Variants in EEA1 observed in about 807,000 individuals in gnomAD.
EEA1 encodes the protein early endosome antigen 1.
EEA1 carries 111 observed loss-of-function variants against 209.2 expected under a neutral mutation model. The observed-to-expected ratio is 0.53, with a 90% confidence interval of 0.45 to 0.62. The LOEUF is 0.62. EEA1 is among the 20% of genes least tolerant of loss of function. EEA1 has a pLI of 0.00. For missense variants in EEA1, 1,343 were observed against 1,530.8 expected (o/e 0.88, Z 2.05); for synonymous variants, 536 against 540.6 (o/e 0.99, Z 0.12).
chr12:92,810,861 A>G (rs535141107), intron 17 of EEA1, among the ~76,000 whole-genome samples: 4 of 152,206 alleles, frequency 2.6e-5, no homozygotes, highest in African/African-American at 9.6e-5. Context: ...CAAAATCCAA[A>G]GGGTATAAAG....
At chr12:92,803,098 A>G (rs566079919) in intron 18 of EEA1, among the ~76,000 whole-genome samples, 1 of 152,212 alleles carries the variant, frequency 6.6e-6, no homozygotes, top group South Asian at 2.1e-4. Flanking sequence ...GAATCTATTC[A>G]TTATGTTAGT....
chr12:92,814,847 T>C (rs1284018876), intron 15 of EEA1, among the ~76,000 whole-genome samples: 2 of 152,202 alleles, frequency 1.3e-5, no homozygotes, highest in East Asian at 1.9e-4. Flanking sequence ...ATTATGGAAC[T>C]TTAAACTGAG....
chr12:92,892,322 G>A lies in EEA1; in HGVS notation c.25-601C>T, dbSNP rs191952453. On this transcript the variant is annotated intron_variant, in intron 1 of 28. Transcript: ENST00000322349. The stretch of plus-strand genomic sequence containing the variant: ...GCCCAAGATGGTCTCAAACTCCTGA[G>A]CTCAAACGATCTGCCCACCTCCGCC... Among the ~76,000 whole-genome samples, 77 of 152,166 alleles carry A rather than the reference G, an allele frequency of 5.1e-4. 1 individual carries two copies. The Middle Eastern group carries it at 0.017, about 34-fold the overall frequency.
intron 1 of EEA1, among the ~76,000 whole-genome samples, chr12:92,898,213 A>C (rs991203082): frequency 6.6e-6 from 1 of 152,212 alleles, no homozygotes; most frequent in African/African-American, 2.4e-5. Context: ...ATAAGATTAA[A>C]CTTTTATTTT....
intron 1 of EEA1, among the ~76,000 whole-genome samples, chr12:92,912,955 T>TA (rs1215189661): frequency 6.6e-6 from 1 of 152,212 alleles, no homozygotes; most frequent in Non-Finnish European, 1.5e-5. Flanking sequence ...GATGGACACT[T>TA]AGGTTGATTC....
Position 92,779,303 on chromosome 12 carries a change from G to A in EEA1, c.3469-3C>T. On this transcript the variant is annotated splice_region_variant and splice_polypyrimidine_tract_variant and intron_variant, in intron 24 of 28. Coordinates refer to ENST00000322349, the MANE Select transcript of EEA1 (RefSeq NM_003566.4). ...GCATCTTTAAGATTTGTTATCTCCT[G>A]TTGAAAAAGTAGGGCCAAAAATAAA... is the stretch of plus-strand genomic sequence containing the variant. 6.4e-7 allele frequency: 1 copy of A among 1,572,766 alleles called. No individual in the cohort carries two copies. Among genetic ancestry groups the A allele is most frequent in the Admixed American group, 2.1e-5 (1 of 47,008 alleles).
At chr12:92,834,829 T>C (rs985712007) in intron 10 of EEA1, among the ~76,000 whole-genome samples, 17 of 152,154 alleles carry the variant, frequency 1.1e-4, no homozygotes, top group African/African-American at 3.9e-4. Flanking sequence ...TAGGAAAACA[T>C]TTGTTTTAGA....
At chr12:92,927,749 TAAGG>T (rs1881263054) in intron 1 of EEA1, among the ~76,000 whole-genome samples, 1 of 152,236 alleles carries the variant, frequency 6.6e-6, no homozygotes, top group Non-Finnish European at 1.5e-5. Flanking sequence ...ACTGCTGAAC[TAAGG>T]AAGTGATGGG....
chr12:92,779,455 AG>A (rs1161915187), intron 24 of EEA1, among the ~76,000 whole-genome samples, 155 bp from the exon 25 acceptor site: 2 of 152,174 alleles, frequency 1.3e-5, no homozygotes, highest in Non-Finnish European at 2.9e-5. Flanking sequence ...TTGGTTAAAA[AG>A]ATACAAGATT....
intron 1 of EEA1, among the ~76,000 whole-genome samples, chr12:92,926,451 T>C (rs1342799146): frequency 6.6e-6 from 1 of 152,214 alleles, no homozygotes. Context: ...AGATTCAAGT[T>C]ATACTTGTTG....
At chr12:92,793,169 A>G (rs1874491129) in intron 21 of EEA1, among the ~76,000 whole-genome samples, 1 of 152,200 alleles carries the variant, frequency 6.6e-6, no homozygotes, top group Non-Finnish European at 1.5e-5. Flanking sequence ...CCCACAGCCA[A>G]TATCATACTG....
In EEA1 at chr12:92,857,021, C is replaced by T. The variant is rs369404663; in HGVS notation, c.366+254G>A. On this transcript the variant is annotated intron_variant, in intron 5 of 28. Transcript: ENST00000322349. ...CTCCTGGCTCAAGCAACTCTCTCGC[C>T]TCAGCCTCCCAAAGTGCTGGGATTA... 3.7e-4 allele frequency among the ~76,000 whole-genome samples: 56 copies of T among 152,178 alleles called. 1 individual carries two copies. In the East Asian group the frequency reaches 9.5e-3, roughly 26 times the overall value.
At chr12:92,888,385 C>A (rs1163078802) in intron 2 of EEA1, among the ~76,000 whole-genome samples, 3 of 152,026 alleles carry the variant, frequency 2.0e-5, no homozygotes, top group Non-Finnish European at 4.4e-5. Flanking sequence ...TCAAGACCAT[C>A]CTGGCTAACA....
At chr12:92,902,613 C>T (rs1220617287) in intron 1 of EEA1, among the ~76,000 whole-genome samples, 2 of 151,780 alleles carry the variant, frequency 1.3e-5, no homozygotes, top group African/African-American at 2.4e-5. Flanking sequence ...TGGTGGCGGG[C>T]GCTTGTAATC....
intron 1 of EEA1, among the ~76,000 whole-genome samples, chr12:92,899,274 T>C (rs911979022): frequency 6.6e-5 from 10 of 152,166 alleles, no homozygotes; most frequent in African/African-American, 2.2e-4. Context: ...GCCAACTGAA[T>C]ACATGAGTGA....
intron 27 of EEA1, 46 bp from the exon 28 acceptor site, chr12:92,776,988 A>G: frequency 6.4e-7 from 1 of 1,570,160 alleles, no homozygotes; most frequent in Non-Finnish European, 8.7e-7. Context: ...TCAACATTTT[A>G]AAGAATGCTA....
rs147400237 is a variant in EEA1, at chr12:92,880,447, C to T, written c.117+11182G>A. Among the ~76,000 whole-genome samples, 534 of 152,038 alleles carry T rather than the reference C, an allele frequency of 3.5e-3. 5 individuals carry two copies. The highest frequency in any genetic ancestry group is 0.012 in the African/African-American group (496 of 41,464). On this transcript the variant is annotated intron_variant, in intron 2 of 28. Coordinates refer to ENST00000322349, the MANE Select transcript of EEA1 (RefSeq NM_003566.4). ...AACCTTTCAAGTAGCTGGGATTACA[C>T]GCACACGCCACAGTGCCTGGCTAAT...
In EEA1 at chr12:92,870,906, A is replaced by G. The variant is rs549486060; in HGVS notation, c.118-5919T>C. Among the ~76,000 whole-genome samples, 4 of 152,082 alleles carry G rather than the reference A, an allele frequency of 2.6e-5. No individual in the cohort carries two copies. In the South Asian group the frequency reaches 8.3e-4, roughly 32 times the overall value. ...TGGCCAGGCTGGTCTCAAACTCCTG[A>G]CCTCAGTGGTCAGGCTGGTCTCAAA... On this transcript the variant is annotated intron_variant, in intron 2 of 28. Transcript: ENST00000322349.
intron 2 of EEA1, among the ~76,000 whole-genome samples, chr12:92,878,547 A>C (rs1005347960): frequency 6.6e-6 from 1 of 152,228 alleles, no homozygotes; most frequent in Non-Finnish European, 1.5e-5. Context: ...ACAAATATTA[A>C]ATTTAAAATG....
Sources: allele counts gnomAD v4.1 joint callset (sites outside exome capture counted in the v4.1 genomes callset), GRCh38; gene constraint gnomAD v4.1.1; transcripts MANE v1.5; gene names NCBI Gene and HGNC (gene_info 2026-07-23, HGNC 2026-07-21).